The following CDH13 variants were observed in gnomAD, a reference collection of about 807,000 sequenced individuals.
CDH13 encodes the protein cadherin-13.
CDH13 carries 24 observed loss-of-function variants against 63.8 expected under a neutral mutation model. That is an observed-to-expected ratio of 0.38 (90% confidence interval 0.27 to 0.53). CDH13 has a LOEUF of 0.53. CDH13 is among the 20% of genes least tolerant of loss of function. The probability of loss-of-function intolerance (pLI) is 0.85; values close to 1 mark genes in which losing one functional copy is unlikely to be tolerated. For synonymous variants in CDH13, 503 were observed against 355.3 expected (o/e 1.42, Z -4.67); for missense variants, 1,049 against 903.1 (o/e 1.16, Z -2.07).
At chr16:82,743,831 A>G (rs1567489985) in intron 1 of CDH13, among the ~76,000 whole-genome samples, 1 of 152,192 alleles carries the variant, frequency 6.6e-6, no homozygotes, top group Admixed American at 6.5e-5. Context: ...TTTCTATTTT[A>G]TAAATATGAC....
chr16:83,269,157 A>T (rs1013365125), intron 5 of CDH13, among the ~76,000 whole-genome samples: 1 of 152,198 alleles, frequency 6.6e-6, no homozygotes, highest in Non-Finnish European at 1.5e-5. Flanking sequence ...TAGTTTTTGG[A>T]AATGTGAGGC....
At chr16:83,734,432 A>C (rs1378109021) in intron 10 of CDH13, among the ~76,000 whole-genome samples, 1 of 152,086 alleles carries the variant, frequency 6.6e-6, no homozygotes, top group Admixed American at 6.6e-5. Context: ...CGTGTTTGGG[A>C]AAACATGGAT....
intron 4 of CDH13, among the ~76,000 whole-genome samples, chr16:83,207,398 A>G (rs1597515773): frequency 2.0e-5 from 3 of 152,232 alleles, no homozygotes; most frequent in East Asian, 3.8e-4. Flanking sequence ...TTGTGTTGCA[A>G]TAGGTATCAG....
chr16:83,722,047 A>G (rs1909766858), intron 10 of CDH13, among the ~76,000 whole-genome samples: 1 of 152,108 alleles, frequency 6.6e-6, no homozygotes, highest in South Asian at 2.1e-4. Flanking sequence ...TCCAGGGGAC[A>G]CTGGAGCCCT....
chr16:83,411,519 C>T (rs1207180717), intron 6 of CDH13, among the ~76,000 whole-genome samples: 1 of 152,142 alleles, frequency 6.6e-6, no homozygotes, highest in Non-Finnish European at 1.5e-5. Context: ...AATGAATATT[C>T]AAATTCATTC....
chr16:82,750,414 C>G (rs915752261), intron 1 of CDH13, among the ~76,000 whole-genome samples: 1 of 152,126 alleles, frequency 6.6e-6, no homozygotes, highest in African/African-American at 2.4e-5. Context: ...TTATCACCCA[C>G]TCTCTCCTTC....
chr16:82,965,099 T>C (rs74030332), intron 2 of CDH13, among the ~76,000 whole-genome samples: 3,018 of 152,336 alleles, frequency 0.02, 56 homozygotes, highest in African/African-American at 0.054. Flanking sequence ...ATGTTAAAAC[T>C]GATCCACTCT....
At chr16:83,265,210 C>T (rs1040541566) in intron 5 of CDH13, among the ~76,000 whole-genome samples, 14 of 152,174 alleles carry the variant, frequency 9.2e-5, no homozygotes. Flanking sequence ...AAGCCTGCTT[C>T]TCAGCCATCA....
intron 1 of CDH13, among the ~76,000 whole-genome samples, chr16:82,842,669 G>T (rs547019553): frequency 3.3e-5 from 5 of 151,958 alleles, no homozygotes; most frequent in Admixed American, 6.6e-5. Flanking sequence ...GGAGGATTTG[G>T]GGATGATTCA....
chr16:83,119,323 C>G (rs189927947), intron 3 of CDH13, among the ~76,000 whole-genome samples: 3 of 152,298 alleles, frequency 2.0e-5, no homozygotes, highest in African/African-American at 7.2e-5. Flanking sequence ...TGCAGCTACT[C>G]TTGTATATGA....
chr16:83,714,397 C>G (rs973372046), intron 10 of CDH13, among the ~76,000 whole-genome samples: 60 of 152,200 alleles, frequency 3.9e-4, no homozygotes, highest in Admixed American at 5.2e-4. Flanking sequence ...GTGAAGCATA[C>G]TTCTGAAGTG....
intron 8 of CDH13, among the ~76,000 whole-genome samples, chr16:83,645,687 C>G (rs1911726289): frequency 6.6e-6 from 1 of 152,018 alleles, no homozygotes; most frequent in South Asian, 2.1e-4. Flanking sequence ...ACTATGCTGA[C>G]TCCCAGAAAG....
chr16:82,858,670 T>C, intron 2 of CDH13, 197 bp downstream of exon 2: 1 of 620,972 alleles, frequency 1.6e-6, no homozygotes, highest in Admixed American at 2.6e-5. Context: ...GTGATATGCA[T>C]CTCTTTTTAG....
intron 2 of CDH13, among the ~76,000 whole-genome samples, chr16:83,025,035 AG>A (rs1419854014): frequency 6.6e-5 from 10 of 152,156 alleles, no homozygotes; most frequent in African/African-American, 2.4e-4. Flanking sequence ...ACAGAGGAGG[AG>A]GTAGAAAAAT....
intron 8 of CDH13, among the ~76,000 whole-genome samples, chr16:83,619,680 T>C (rs1340556599): frequency 2.0e-5 from 3 of 152,244 alleles, no homozygotes; most frequent in Non-Finnish European, 4.4e-5. Context: ...CCCGTGCCCA[T>C]GCCTGTGTCC....
At chr16:82,778,649 G>T (rs964545535) in intron 1 of CDH13, among the ~76,000 whole-genome samples, 1 of 150,740 alleles carries the variant, frequency 6.6e-6, no homozygotes, top group Non-Finnish European at 1.5e-5. Context: ...CTGCCAGGGA[G>T]ATATCTCCTT....
chr16:82,841,527 C>G (rs753603833), intron 1 of CDH13, among the ~76,000 whole-genome samples: 1 of 152,142 alleles, frequency 6.6e-6, no homozygotes, highest in Admixed American at 6.5e-5. Flanking sequence ...GATAAAACAT[C>G]AAAAGCAATA....
intron 6 of CDH13, among the ~76,000 whole-genome samples, chr16:83,355,533 C>T (rs2091035062): frequency 6.6e-6 from 1 of 152,162 alleles, no homozygotes; most frequent in African/African-American, 2.4e-5. Context: ...GCTCCAAAGG[C>T]CAGAAAGCCT....
intron 1 of CDH13, among the ~76,000 whole-genome samples, chr16:82,745,369 G>C (rs1333868763): frequency 1.3e-5 from 2 of 152,152 alleles, no homozygotes; most frequent in Non-Finnish European, 2.9e-5. Context: ...CATTAATAGA[G>C]TACCATAAAG....
Sources: gnomAD v4.1 joint callset for allele counts (sites outside exome capture counted in the v4.1 genomes callset) on GRCh38, gnomAD v4.1.1 for gene constraint, MANE v1.5 for transcripts, NCBI Gene and HGNC (gene_info 2026-07-23, HGNC 2026-07-21) for gene names.